The following CACNG3 variants were observed in gnomAD, a reference collection of about 807,000 sequenced individuals.
The protein encoded by CACNG3 is calcium voltage-gated channel auxiliary subunit gamma 3, also known as voltage-dependent calcium channel gamma-3 subunit.
A neutral mutation model predicts 28.5 loss-of-function variants in CACNG3; 3 were observed. The ratio of observed to expected loss-of-function variants is 0.11; its 90% CI spans 0.05 to 0.27. CACNG3 has a LOEUF of 0.27. CACNG3 is among the 10% of genes least tolerant of loss of function. CACNG3 has a pLI of 1.00. For missense variants in CACNG3, 236 were observed against 414.4 expected (o/e 0.57, Z 3.74); for synonymous variants, 174 against 162.2 (o/e 1.07, Z -0.55).
At chr16:24,346,161 C>T (rs146946221) in intron 1 of CACNG3, among the ~76,000 whole-genome samples, 2,644 of 152,208 alleles carry the variant, frequency 0.017, 38 homozygotes, top group Middle Eastern at 0.031. Flanking sequence ...GGTGTTTTTG[C>T]GCTTCTGAAG....
rs558751118 is a variant in CACNG3 at position 24,301,392 on chromosome 16, G to A, written c.211+44427G>A. ...CCAGACAACTTGGAATCTAGATTCT[G>A]TGGAGGTTGAAGAATTAACTCTGGA... On this transcript the variant is annotated intron_variant, in intron 1 of 3. Coordinates refer to ENST00000005284, the MANE Select transcript of CACNG3 (RefSeq NM_006539.4). Among the ~76,000 whole-genome samples, 52 of 152,202 alleles carry A rather than the reference G, an allele frequency of 3.4e-4. No individual in the cohort carries two copies. In the South Asian group the frequency reaches 3.5e-3, roughly 10 times the overall value.
At chr16:24,294,510 A>G (rs1292617419) in intron 1 of CACNG3, among the ~76,000 whole-genome samples, 1 of 152,012 alleles carries the variant, frequency 6.6e-6, no homozygotes, top group East Asian at 1.9e-4. Flanking sequence ...TGACTTACAC[A>G]CTCCACAAAG....
chr16:24,347,584 A>G (rs1899886916), intron 2 of CACNG3, among the ~76,000 whole-genome samples: 1 of 152,214 alleles, frequency 6.6e-6, no homozygotes. Context: ...TGAGGTCCCA[A>G]GGAGCAAGAC....
chr16:24,331,915 C>T (rs890130787), intron 1 of CACNG3, among the ~76,000 whole-genome samples: 2 of 152,238 alleles, frequency 1.3e-5, no homozygotes, highest in Non-Finnish European at 1.5e-5. Context: ...TCTGTCCACC[C>T]AATCTCACGA....
intron 2 of CACNG3, 135 bp downstream of exon 2, chr16:24,346,952 G>A (rs1333876211): frequency 3.0e-6 from 2 of 658,060 alleles, no homozygotes; most frequent in Non-Finnish European, 5.4e-6. Context: ...CCATGTGCCA[G>A]TACACAGAGA....
At chr16:24,317,449 C>T (rs190969821) in intron 1 of CACNG3, among the ~76,000 whole-genome samples, 67 of 149,864 alleles carry the variant, frequency 4.5e-4, no homozygotes, top group African/African-American at 1.4e-3. Context: ...GGCTGAGGCA[C>T]GAGAATTGCT....
intron 1 of CACNG3, among the ~76,000 whole-genome samples, chr16:24,336,417 G>T (rs1013666300): frequency 1.3e-5 from 2 of 150,938 alleles, no homozygotes; most frequent in Non-Finnish European, 1.5e-5. Flanking sequence ...GACTATAGGC[G>T]CCCGCCACTA....
At chr16:24,315,849 G>A (rs2238514) in intron 1 of CACNG3, among the ~76,000 whole-genome samples, 25,950 of 152,006 alleles carry the variant, frequency 0.17, 2,302 homozygotes, top group African/African-American at 0.19. Context: ...AGTAGAGATG[G>A]GATATCTCCA....
rs201446443 is a variant in CACNG3, at chr16:24,340,037, AG to A, written c.212-6695del. ...GTAATCCCAGCACTTTTGCAGGCCT[AG>A]GTGGGAAGATTGCTTGAGTCCAGCA... On this transcript the variant is annotated intron_variant, in intron 1 of 3. Transcript: ENST00000005284. Among the ~76,000 whole-genome samples, 34 of 152,286 alleles carry A rather than the reference AG, an allele frequency of 2.2e-4. No individual in the cohort carries two copies. The East Asian group carries it at 6.2e-3, about 28-fold the overall frequency.
chr16:24,289,587 G>T (rs1314596014), intron 1 of CACNG3, among the ~76,000 whole-genome samples: 6 of 152,166 alleles, frequency 3.9e-5, no homozygotes, highest in African/African-American at 1.2e-4. Flanking sequence ...CTTGCAGGGA[G>T]CCCTTCATGC....
At chr16:24,318,755 A>G (rs1012998779) in intron 1 of CACNG3, among the ~76,000 whole-genome samples, 1 of 152,170 alleles carries the variant, frequency 6.6e-6, no homozygotes, top group East Asian at 1.9e-4. Context: ...GAGGAAGGGC[A>G]GCTGTTAATG....
At chr16:24,277,212 T>A (rs1254304011) in intron 1 of CACNG3, among the ~76,000 whole-genome samples, 2 of 152,178 alleles carry the variant, frequency 1.3e-5, no homozygotes, top group Non-Finnish European at 2.9e-5. Context: ...TGGAACTGAC[T>A]CCAGCCTAGC....
At chr16:24,292,149 G>T (rs1168308611) in intron 1 of CACNG3, among the ~76,000 whole-genome samples, 2 of 152,166 alleles carry the variant, frequency 1.3e-5, no homozygotes, top group East Asian at 3.9e-4. Context: ...CAAGGTGGCA[G>T]CTAAGTTTAG....
intron 1 of CACNG3, among the ~76,000 whole-genome samples, chr16:24,339,788 T>C (rs1253890453): frequency 1.3e-5 from 2 of 152,238 alleles, no homozygotes; most frequent in Non-Finnish European, 2.9e-5. Context: ...GTTTTATTCC[T>C]TCTTGTGCTA....
chr16:24,341,093 G>A (rs1329527433), intron 1 of CACNG3, among the ~76,000 whole-genome samples: 1 of 152,216 alleles, frequency 6.6e-6, no homozygotes, highest in African/African-American at 2.4e-5. Context: ...TTACTGATAT[G>A]GGAGGATACT....
chr16:24,322,256 A>G (rs1899472498), intron 1 of CACNG3, among the ~76,000 whole-genome samples: 1 of 152,118 alleles, frequency 6.6e-6, no homozygotes, highest in South Asian at 2.1e-4. Context: ...TTAGGTGAGG[A>G]AGGAGCACCG....
At chr16:24,345,269 C>T (rs1899846249) in intron 1 of CACNG3, among the ~76,000 whole-genome samples, 1 of 152,202 alleles carries the variant, frequency 6.6e-6, no homozygotes, top group Admixed American at 6.5e-5. Flanking sequence ...TCCACTCCAG[C>T]TACACAGACA....
intron 1 of CACNG3, among the ~76,000 whole-genome samples, chr16:24,337,036 A>G (rs1899721770): frequency 6.7e-6 from 1 of 150,156 alleles, no homozygotes; most frequent in Non-Finnish European, 1.5e-5. Context: ...CTAGTCTTGA[A>G]CTCCTGGGCT....
intron 1 of CACNG3, among the ~76,000 whole-genome samples, chr16:24,338,159 A>G (rs1489146125): frequency 6.6e-6 from 1 of 151,572 alleles, no homozygotes; most frequent in African/African-American, 2.4e-5. Context: ...TTGCATTTCC[A>G]TTTCCTTCTA....
Sources: gnomAD v4.1 joint callset for allele counts (sites outside exome capture counted in the v4.1 genomes callset) on GRCh38, gnomAD v4.1.1 for gene constraint, MANE v1.5 for transcripts, NCBI Gene and HGNC (gene_info 2026-07-23, HGNC 2026-07-21) for gene names.